Variants in LRRC9 observed in about 807,000 individuals in gnomAD.
LRRC9 encodes leucine-rich repeat-containing protein 9.
A neutral mutation model predicts 63.2 loss-of-function variants in LRRC9; 122 were observed. The ratio of observed to expected loss-of-function variants is 1.93; its 90% CI spans 1.67 to 2.24. The LOEUF (loss-of-function observed/expected upper bound fraction) is 2.24, where lower values mean the gene tolerates loss of function less well. Among genes scored for constraint, LRRC9 ranks in the 30% most tolerant of loss-of-function variants. The pLI is 0.00. For synonymous variants in LRRC9, 366 were observed against 213.1 expected (o/e 1.72, Z -6.25); for missense variants, 1,071 against 627.7 (o/e 1.71, Z -7.55).
intron 15 of LRRC9, among the ~76,000 whole-genome samples, chr14:59,980,954 C>T (rs968314245): frequency 4.6e-5 from 7 of 152,060 alleles, no homozygotes; most frequent in African/African-American, 1.7e-4. Context: ...TCAATTCTTT[C>T]TTCTCTTCTG....
intron 15 of LRRC9, among the ~76,000 whole-genome samples, chr14:59,979,803 TCTGGGGACTG>T (rs1886730079): frequency 9.1e-6 from 1 of 110,388 alleles, no homozygotes; most frequent in African/African-American, 3.5e-5. Context: ...AACATCACAC[TCTGGGGACTG>T]TTGTGGGGTG....
chr14:59,961,040 T>A (rs1372467850), exon 10 of LRRC9: 1 of 673,390 alleles, frequency 1.5e-6, no homozygotes, highest in African/African-American at 1.8e-5. Context: ...CTCGATCTGA[T>A]GACTGGTAAA....
At position 59,946,844 on chromosome 14, in the gene LRRC9, T is replaced by C. The variant is rs1408170596; in HGVS notation, c.882+2100T>C. ...CTACAAAGGACATGAACTCATCATT[T>C]TTTATGGCTGCATAGTATTCCATGG... On this transcript the variant is annotated intron_variant, in intron 8 of 31. Coordinates refer to ENST00000445360, the Ensembl canonical transcript of LRRC9. Among the ~76,000 whole-genome samples the C allele has an allele frequency of 8.8e-3, 1,221 of 137,998 alleles. 14 individuals carry two copies. Among genetic ancestry groups the C allele is most frequent in the African/African-American group, 0.032 (1,152 of 36,538 alleles). 90.5% of individuals were successfully genotyped at this position (137,998 alleles called of 152,430 possible).
Position 59,932,278 on chromosome 14 carries a change from A to T in LRRC9, c.543+239A>T, listed in dbSNP as rs930889106. Among the ~76,000 whole-genome samples the T allele has an allele frequency of 6.6e-6, 1 of 152,024 alleles. No individual in the cohort carries two copies. Among genetic ancestry groups the T allele is most frequent in the Admixed American group, 6.6e-5 (1 of 15,236 alleles). ...ACCATTTTCTCTTAGTTTTCTTCCA[A>T]TCTTTCTGGCTACATCTCTTCAGTT... is the stretch of plus-strand genomic sequence containing the variant. On this transcript the variant is annotated intron_variant, in intron 6 of 31. Transcript: ENST00000445360. This position sits in a 1 kb window ranked among gnomAD's most constrained non-coding sequence, Gnocchi z 4.7.
At position 60,060,575 on chromosome 14, in the gene LRRC9, C is replaced by A. The variant is rs1894590906; in HGVS notation, c.4276+2553C>A. On this transcript the variant is annotated intron_variant, in intron 31 of 31. Transcript: ENST00000445360. The surrounding 1 kb of genome is among the most constrained non-coding windows in gnomAD (Gnocchi z 4.0). Reference sequence around the variant, plus strand: ...CTAACACGGTGAAACCCCGTCTCTACTAAAAATACAAAAAAATTAGCTGGG... The same window carrying A: ...CTAACACGGTGAAACCCCGTCTCTAATAAAAATACAAAAAAATTAGCTGGG... 6.6e-6 allele frequency among the ~76,000 whole-genome samples: 1 copy of A among 151,944 alleles called. No individual in the cohort carries two copies. The highest frequency in any genetic ancestry group is 1.5e-5 in the Non-Finnish European group (1 of 68,008).
chr14:59,991,715 A>G (rs1888129114), intron 17 of LRRC9, among the ~76,000 whole-genome samples: 1 of 152,162 alleles, frequency 6.6e-6, no homozygotes, highest in African/African-American at 2.4e-5. Context: ...AGCCTCACTC[A>G]TTGCTAGCCA....
At chr14:60,013,885 C>T (rs985705934) in intron 23 of LRRC9, among the ~76,000 whole-genome samples, 3 of 152,024 alleles carry the variant, frequency 2.0e-5, no homozygotes, top group Admixed American at 6.6e-5. Context: ...AATTGATGAA[C>T]GAAGACCATT....
intron 17 of LRRC9, among the ~76,000 whole-genome samples, chr14:59,987,513 A>C (rs1887616283): frequency 6.7e-6 from 1 of 150,174 alleles, no homozygotes; most frequent in South Asian, 2.1e-4. Context: ...CCCATAGTTT[A>C]TCTCTAGAAA....
At chr14:59,994,762 C>T (rs530027933) in intron 17 of LRRC9, among the ~76,000 whole-genome samples, 144 of 145,804 alleles carry the variant, frequency 9.9e-4, no homozygotes, top group African/African-American at 3.4e-3. Context: ...ATCGCAAAGA[C>T]AAAAAACCAA....
rs1893355153 is a variant in LRRC9 at position 60,045,602 on chromosome 14, T to C, written c.3991-7463T>C. On this transcript the variant is annotated intron_variant, in intron 29 of 31. Coordinates refer to ENST00000445360, the Ensembl canonical transcript of LRRC9. ...ATCCATGTCCCTGCAAAGGACATGATCTCATTCCTTTTTATGACTGAATAG... is the reference window on the plus strand; with the variant it reads ...ATCCATGTCCCTGCAAAGGACATGACCTCATTCCTTTTTATGACTGAATAG... 1.3e-5 allele frequency among the ~76,000 whole-genome samples: 2 copies of C among 152,234 alleles called. 1 individual carries two copies. Among genetic ancestry groups the C allele is most frequent in the South Asian group, 4.1e-4 (2 of 4,828 alleles).
rs776449342 is a variant in LRRC9, at chr14:59,958,644, C to T, written c.883-1174C>T. 2.0e-5 allele frequency among the ~76,000 whole-genome samples: 3 copies of T among 152,214 alleles called. No individual in the cohort carries two copies. The highest frequency in any genetic ancestry group is 2.1e-4 in the South Asian group (1 of 4,834). On this transcript the variant is annotated intron_variant, in intron 8 of 31. Coordinates refer to ENST00000445360, the Ensembl canonical transcript of LRRC9. This position sits in a 1 kb window ranked among gnomAD's most constrained non-coding sequence, Gnocchi z 4.0. Reference sequence around the variant, plus strand: ...TGCAGGGGAGTGAAAGGTTCTCTCTCGCTGGGGTTCCAGGTTACCCTGCGG... The same window carrying T: ...TGCAGGGGAGTGAAAGGTTCTCTCTTGCTGGGGTTCCAGGTTACCCTGCGG...
At chr14:60,002,559 T>C (rs761090738) in intron 20 of LRRC9, among the ~76,000 whole-genome samples, 1 of 152,156 alleles carries the variant, frequency 6.6e-6, no homozygotes, top group Non-Finnish European at 1.5e-5. Context: ...CTTTAATATA[T>C]GCAATTTTAA....
intron 23 of LRRC9, among the ~76,000 whole-genome samples, chr14:60,014,269 T>C (rs968138926): frequency 2.6e-5 from 4 of 152,072 alleles, no homozygotes; most frequent in Non-Finnish European, 4.4e-5. Context: ...TGAGACAATA[T>C]TATAGTTTTT....
chr14:59,952,357 CTCGCGCACGGT>C (rs1883249878), intron 8 of LRRC9, among the ~76,000 whole-genome samples: 1 of 152,226 alleles, frequency 6.6e-6, no homozygotes. Context: ...CTTGCTTCGG[CTCGCGCACGGT>C]GCGCGCACCC....
intron 28 of LRRC9, among the ~76,000 whole-genome samples, chr14:60,028,848 A>G (rs777434698): frequency 1.3e-5 from 2 of 152,160 alleles, no homozygotes; most frequent in Non-Finnish European, 2.9e-5. Flanking sequence ...TTCTATCAGT[A>G]TATAGCATAG....
At chr14:59,928,036 T>A (rs1259036017) in intron 2 of LRRC9, 45 bp downstream of exon 2, 1 of 667,306 alleles carries the variant, frequency 1.5e-6, no homozygotes, top group Non-Finnish European at 2.7e-6. Flanking sequence ...TGCAGTAATA[T>A]AAAATGGAAA....
rs930484006 is a variant in LRRC9, at chr14:60,053,918, G to T, written c.4131+713G>T. The T allele has an allele frequency of 1.1e-5, 5 of 455,546 alleles. No individual in the cohort carries two copies. The highest frequency in any genetic ancestry group is 1.0e-4 in the African/African-American group (5 of 49,992). 28.2% of individuals were successfully genotyped at this position (455,546 alleles called of 1,614,324 possible). ...ATGCTGTGGTTTGAGAAAAAAAGAG[G>T]CTGGAGGGAGAAGGGAAACCAGCTC... On this transcript the variant is annotated intron_variant, in intron 30 of 31. Transcript: ENST00000445360. This position sits in a 1 kb window ranked among gnomAD's most constrained non-coding sequence, Gnocchi z 4.8.
At position 59,958,920 on chromosome 14, in the gene LRRC9, C is replaced by A. The variant is rs933128193; in HGVS notation, c.883-898C>A. On this transcript the variant is annotated intron_variant, in intron 8 of 31. Transcript: ENST00000445360. The surrounding 1 kb of genome is among the most constrained non-coding windows in gnomAD (Gnocchi z 4.0). ...TGTGACACCCCACCCTGCTTCTGCT[C>A]ACCCTCTGTGGGTTGGACCCACTGT... Among the ~76,000 whole-genome samples the A allele has an allele frequency of 6.6e-6, 1 of 152,182 alleles. No individual in the cohort carries two copies. The highest frequency in any genetic ancestry group is 2.4e-5 in the African/African-American group (1 of 41,444).
chr14:59,935,293 CAA>C (rs3069508), intron 6 of LRRC9, among the ~76,000 whole-genome samples: 24,572 of 124,870 alleles, frequency 0.2, 2,694 homozygotes, highest in African/African-American at 0.36. Flanking sequence ...GACTAGGTCT[CAA>C]AAAAAAAAAA....
Sources: gnomAD v4.1 joint callset for allele counts (sites outside exome capture counted in the v4.1 genomes callset) on GRCh38, gnomAD v4.1.1 for gene constraint, Gnocchi (gnomAD v3.1) non-coding constraint, MANE v1.5 for transcripts, NCBI Gene and HGNC (gene_info 2026-07-23, HGNC 2026-07-21) for gene names.